Variants in ROCK2 observed in about 807,000 individuals in gnomAD.
The protein encoded by ROCK2 is rho-associated protein kinase 2.
A neutral mutation model predicts 195.1 loss-of-function variants in ROCK2; 61 were observed. That is an observed-to-expected ratio of 0.31 (90% CI 0.25 to 0.39). The LOEUF (loss-of-function observed/expected upper bound fraction) is 0.39, where lower values mean the gene tolerates loss of function less well. Among genes scored for constraint, ROCK2 ranks in the 10% least tolerant of loss-of-function variants. ROCK2 has a pLI of 1.00. For missense variants in ROCK2, 1,109 were observed against 1,637.4 expected (o/e 0.68, Z 5.57); for synonymous variants, 504 against 545.5 (o/e 0.92, Z 1.06).
At chr2:11,274,204 A>G (rs940767192) in intron 3 of ROCK2, among the ~76,000 whole-genome samples, 1 of 152,074 alleles carries the variant, frequency 6.6e-6, no homozygotes, top group Admixed American at 6.6e-5. Flanking sequence ...AAGAAACTAG[A>G]AAGAGAAAAA....
At chr2:11,250,698 A>T (rs1207210420) in intron 3 of ROCK2, among the ~76,000 whole-genome samples, 1 of 152,158 alleles carries the variant, frequency 6.6e-6, no homozygotes, top group Non-Finnish European at 1.5e-5. Flanking sequence ...TTTCTCTCAA[A>T]CAACTTATCA....
intron 1 of ROCK2, among the ~76,000 whole-genome samples, chr2:11,339,775 T>G (rs1385736640): frequency 4.6e-5 from 7 of 152,098 alleles, no homozygotes; most frequent in Non-Finnish European, 1.0e-4. Flanking sequence ...AATGTAGTAA[T>G]CTATGAAATG....
At chr2:11,185,260 C>T (rs1450405414) in intron 32 of ROCK2, among the ~76,000 whole-genome samples, 1 of 150,600 alleles carries the variant, frequency 6.6e-6, no homozygotes, top group African/African-American at 2.4e-5. Flanking sequence ...CTCAATGTGT[C>T]ACCAAGAGCT....
Position 11,215,062 on chromosome 2 carries a change from G to A in ROCK2, c.1714C>T (p.Arg572Ter), listed in dbSNP as rs1466584300. The change falls in exon 16 of 33, where the codon CGA (arginine) becomes TGA (stop). Residue 572 changes from arginine to a stop codon, truncating the protein, a stop_gained. Transcript: ENST00000315872. LOFTEE classifies it high-confidence loss of function. ...RQLDETNALL[R>*]TESDTAARLR... ...CGGGCTGCAGTATCAGACTCTGTTC[G>A]CAGTAAAGCATTGGTTTCATCCAGC... The A allele has an allele frequency of 1.2e-6, 2 of 1,613,956 alleles. No individual in the cohort carries two copies. Among genetic ancestry groups the A allele is most frequent in the Non-Finnish European group, 1.7e-6 (2 of 1,179,950 alleles).
At position 11,216,224 on chromosome 2, in the gene ROCK2, GA is replaced by G; in HGVS notation, c.1413-19del. 2 of 1,564,326 alleles carry G rather than the reference GA, an allele frequency of 1.3e-6. No individual in the cohort carries two copies. Among genetic ancestry groups the G allele is most frequent in the Non-Finnish European group, 1.8e-6 (2 of 1,136,176 alleles). On this transcript the variant is annotated intron_variant, in intron 12 of 32. Coordinates refer to ENST00000315872, the MANE Select transcript of ROCK2 (RefSeq NM_004850.5). ...TAACAGATCTAAAGAATTTCAGAAA[GA>G]AACAGTAAATAACTTCTAATTTACA...
At chr2:11,298,149 A>G (rs1361173144) in intron 1 of ROCK2, among the ~76,000 whole-genome samples, 4 of 152,104 alleles carry the variant, frequency 2.6e-5, no homozygotes, top group African/African-American at 9.7e-5. Context: ...TTTTGGGTGC[A>G]TTGGATAATA....
chr2:11,221,106 C>T (rs1664622439), intron 9 of ROCK2, 92 bp downstream of exon 9: 5 of 909,162 alleles, frequency 5.5e-6, no homozygotes, highest in East Asian at 2.9e-5. Context: ...CAAATTAATA[C>T]TTTATCTCCT....
intron 7 of ROCK2, among the ~76,000 whole-genome samples, chr2:11,223,599 TA>T (rs1259561949): frequency 2.6e-4 from 40 of 152,272 alleles, no homozygotes; most frequent in Admixed American, 7.8e-4. Context: ...TGAGTAAAAT[TA>T]TTTCCCAAAA....
At chr2:11,219,070 A>C (rs747060226) in intron 9 of ROCK2, 44 bp from the exon 10 acceptor site, 1 of 1,076,800 alleles carries the variant, frequency 9.3e-7, no homozygotes, top group Non-Finnish European at 1.3e-6. Context: ...ATTTCATTTT[A>C]ATCTATGTGC....
chr2:11,336,361 T>C (rs1323009274), intron 1 of ROCK2, among the ~76,000 whole-genome samples: 1 of 152,200 alleles, frequency 6.6e-6, no homozygotes, highest in Admixed American at 6.5e-5. Flanking sequence ...GCCATCCTCC[T>C]GCCTCAGCCT....
chr2:11,311,586 T>C (rs1342868654), intron 1 of ROCK2, among the ~76,000 whole-genome samples: 4 of 152,210 alleles, frequency 2.6e-5, no homozygotes, highest in Non-Finnish European at 5.9e-5. Context: ...AATTACTGAA[T>C]AGATTAAGGT....
chr2:11,306,869 A>C (rs1354630534), intron 1 of ROCK2, among the ~76,000 whole-genome samples: 3 of 152,230 alleles, frequency 2.0e-5, no homozygotes, highest in Non-Finnish European at 4.4e-5. Context: ...AATACAGTAT[A>C]AACAATCCAA....
intron 3 of ROCK2, among the ~76,000 whole-genome samples, chr2:11,261,604 G>A (rs2148147154): frequency 6.6e-6 from 1 of 152,272 alleles, no homozygotes; most frequent in African/African-American, 2.4e-5. Context: ...GGATCATGAG[G>A]TCAGCAGTTC....
intron 1 of ROCK2, among the ~76,000 whole-genome samples, chr2:11,299,675 G>C (rs940278309): frequency 1.3e-5 from 2 of 152,200 alleles, no homozygotes; most frequent in Admixed American, 1.3e-4. Context: ...AAAGAACACA[G>C]CAAGAAGAAA....
chr2:11,273,531 G>C (rs1666721950), intron 3 of ROCK2, among the ~76,000 whole-genome samples: 1 of 152,126 alleles, frequency 6.6e-6, no homozygotes, highest in Admixed American at 6.5e-5. Flanking sequence ...GGGAGAAATA[G>C]ACAGCTCTAT....
chr2:11,270,701 C>T (rs555274074), intron 3 of ROCK2, among the ~76,000 whole-genome samples: 1 of 152,316 alleles, frequency 6.6e-6, no homozygotes, highest in African/African-American at 2.4e-5. Flanking sequence ...TTTATTTTCA[C>T]TTGTTCCTTA....
At chr2:11,213,180 GAA>G (rs1356605557) in intron 17 of ROCK2, among the ~76,000 whole-genome samples, 3 of 152,018 alleles carry the variant, frequency 2.0e-5, no homozygotes, top group Admixed American at 6.6e-5. Context: ...CAGCATTACT[GAA>G]AAAGTCTACT....
intron 1 of ROCK2, among the ~76,000 whole-genome samples, chr2:11,322,512 CTCTTCTA>C (rs1324600709): frequency 3.3e-5 from 5 of 151,792 alleles, no homozygotes; most frequent in African/African-American, 1.2e-4. Context: ...ATCCATAATG[CTCTTCTA>C]ATACTTCCAA....
At position 11,196,295 on chromosome 2, in the gene ROCK2, G is replaced by A. The variant is rs78474985; in HGVS notation, c.3448+885C>T. On this transcript the variant is annotated intron_variant, in intron 27 of 32. Transcript: ENST00000315872. Reference sequence around the variant, plus strand: ...ATGAAGGACATATGCCTAGGATAATGTCAGTAAGTACTCAGTAAAAACCTT... The same window carrying A: ...ATGAAGGACATATGCCTAGGATAATATCAGTAAGTACTCAGTAAAAACCTT... Among the ~76,000 whole-genome samples, 619 of 152,322 alleles carry A rather than the reference G, an allele frequency of 4.1e-3. 1 individual carries two copies. The highest frequency in any genetic ancestry group is 5.2e-3 in the Non-Finnish European group (351 of 68,028).
Sources: gnomAD v4.1 joint callset for allele counts (sites outside exome capture counted in the v4.1 genomes callset) on GRCh38, gnomAD v4.1.1 for gene constraint, MANE v1.5 for transcripts, NCBI Gene and HGNC (gene_info 2026-07-23, HGNC 2026-07-21) for gene names.